The following DCDC2 variants were observed in gnomAD, a reference collection of about 807,000 sequenced individuals.
The protein encoded by DCDC2 is doublecortin domain containing 2.
In DCDC2, 40 loss-of-function variants were observed where a neutral mutation model predicts 50.2. The observed-to-expected ratio is 0.80, with a 90% confidence interval of 0.62 to 1.04. The LOEUF (loss-of-function observed/expected upper bound fraction) is 1.04. Among genes scored for constraint, DCDC2 ranks in the 50% least tolerant of loss-of-function variants. The probability of loss-of-function intolerance (pLI) is 0.00; values close to 1 mark genes in which losing one functional copy is unlikely to be tolerated. For missense variants in DCDC2, 570 were observed against 581.9 expected (o/e 0.98, Z 0.21); for synonymous variants, 234 against 210.6 (o/e 1.11, Z -0.96).
At chr6:24,231,291 C>T (rs1188331437) in intron 7 of DCDC2, among the ~76,000 whole-genome samples, 1 of 152,180 alleles carries the variant, frequency 6.6e-6, no homozygotes, top group Non-Finnish European at 1.5e-5. Context: ...TGCTCACCCC[C>T]ATCACCAAGA....
intron 7 of DCDC2, among the ~76,000 whole-genome samples, chr6:24,253,571 C>CTA (rs1264569634): frequency 6.6e-6 from 1 of 152,164 alleles, no homozygotes; most frequent in Non-Finnish European, 1.5e-5. Flanking sequence ...AGGGTGTGTG[C>CTA]TATAGCCTAT....
chr6:24,205,253 C>G, intron 7 of DCDC2, 151 bp from the exon 8 acceptor site: 1 of 1,571,866 alleles, frequency 6.4e-7, no homozygotes, highest in Non-Finnish European at 8.6e-7. Flanking sequence ...CTCCGACCAC[C>G]ACACCACCCC....
At chr6:24,319,995 G>A (rs747612324) in intron 2 of DCDC2, among the ~76,000 whole-genome samples, 3 of 152,074 alleles carry the variant, frequency 2.0e-5, no homozygotes, top group South Asian at 2.1e-4. Flanking sequence ...ATAAATGGAC[G>A]GTGAAGGAAG....
chr6:24,225,212 GCTT>G (rs1203506695), intron 7 of DCDC2, among the ~76,000 whole-genome samples: 1 of 152,126 alleles, frequency 6.6e-6, no homozygotes, highest in South Asian at 2.1e-4. Flanking sequence ...GACTCTGGGT[GCTT>G]TTTTTAAATT....
chr6:24,311,209 C>T (rs1197273338), intron 2 of DCDC2, among the ~76,000 whole-genome samples: 1 of 152,202 alleles, frequency 6.6e-6, no homozygotes, highest in Non-Finnish European at 1.5e-5. Context: ...TCTCCTATTG[C>T]CACATTTACC....
At chr6:24,227,757 C>T (rs1367559105) in intron 7 of DCDC2, among the ~76,000 whole-genome samples, 19 of 152,206 alleles carry the variant, frequency 1.2e-4, no homozygotes, top group Non-Finnish European at 2.4e-4. Context: ...ACCGTCTGCC[C>T]GTTTATCAGC....
At chr6:24,208,362 A>AAT (rs1761771080) in intron 7 of DCDC2, among the ~76,000 whole-genome samples, 1 of 121,490 alleles carries the variant, frequency 8.2e-6, no homozygotes, top group African/African-American at 3.5e-5. Flanking sequence ...CCTCTGTGCT[A>AAT]CTTTTTTTTT....
rs1341811704 is a variant in DCDC2, at chr6:24,277,902, G to A, written c.922+147C>T. On this transcript the variant is annotated intron_variant, in intron 7 of 9. Transcript: ENST00000378454. Reference sequence around the variant, plus strand: ...CAAATAAAAACCAAGCATAAAAACAGCAGCATCTCTCATATACAAATACAA... The same window carrying A: ...CAAATAAAAACCAAGCATAAAAACAACAGCATCTCTCATATACAAATACAA... 6.8e-6 allele frequency: 4 copies of A among 586,216 alleles called. No individual in the cohort carries two copies. In the East Asian group the frequency reaches 9.1e-5, roughly 13 times the overall value. The allele number at this position is 586,216 out of a possible 1,614,324, so 36.3% of individuals were successfully genotyped here.
rs1761738736 is a variant in DCDC2 at position 24,207,273 on chromosome 6, T to TCTCTCTCTCA, written c.923-2172_923-2171insTGAGAGAGAG. Among the ~76,000 whole-genome samples the TCTCTCTCTCA allele has an allele frequency of 2.7e-5, 4 of 150,874 alleles. No individual in the cohort carries two copies. In the South Asian group the frequency reaches 8.4e-4, roughly 32 times the overall value. On this transcript the variant is annotated intron_variant, in intron 7 of 9. Coordinates refer to ENST00000378454, the MANE Select transcript of DCDC2 (RefSeq NM_016356.5). ...ATCTATCTTTCTCTCTCTCTCTCTC[T>TCTCTCTCTCA]CTCTCTCTCTCTCTCAGACACACAC...
At chr6:24,205,163 C>G in intron 7 of DCDC2, 61 bp from the exon 8 acceptor site, 1 of 1,614,124 alleles carries the variant, frequency 6.2e-7, no homozygotes, top group Non-Finnish European at 8.5e-7. Context: ...TGGCTGAATG[C>G]TGGAATTACA....
At chr6:24,359,470 A>AGT (rs1479688036), upstream of DCDC2, among the ~76,000 whole-genome samples, 1 of 12,674 alleles carries the variant, frequency 7.9e-5, no homozygotes, top group African/African-American at 2.1e-4. Flanking sequence ...TATACTATAT[A>AGT]ATATATATTT....
intron 8 of DCDC2, among the ~76,000 whole-genome samples, chr6:24,186,871 A>G (rs1338483146): frequency 6.6e-6 from 1 of 152,150 alleles, no homozygotes; most frequent in East Asian, 1.9e-4. Flanking sequence ...ATTTGGAGGC[A>G]ATTTAAGTTA....
At chr6:24,234,030 T>C (rs2113785484) in intron 7 of DCDC2, among the ~76,000 whole-genome samples, 1 of 152,212 alleles carries the variant, frequency 6.6e-6, no homozygotes, top group African/African-American at 2.4e-5. Context: ...GCACATAAAA[T>C]GCAGATAGAT....
intron 2 of DCDC2, among the ~76,000 whole-genome samples, chr6:24,346,409 A>G (rs929877747): frequency 1.3e-5 from 2 of 152,162 alleles, no homozygotes; most frequent in Non-Finnish European, 2.9e-5. Context: ...AGCTGTCAAC[A>G]CTTCTACGTG....
intron 4 of DCDC2, among the ~76,000 whole-genome samples, chr6:24,295,478 A>C (rs184834995): frequency 6.6e-6 from 1 of 152,182 alleles, no homozygotes; most frequent in African/African-American, 2.4e-5. Context: ...GGCAGTCATC[A>C]GGCAAGACAA....
intron 8 of DCDC2, among the ~76,000 whole-genome samples, chr6:24,184,603 A>T (rs570848675): frequency 1.3e-5 from 2 of 151,976 alleles, no homozygotes; most frequent in African/African-American, 4.8e-5. Context: ...AGAATTACTG[A>T]CCTGAAAACA....
chr6:24,366,030 C>T, the DCDC2 span, among the ~76,000 whole-genome samples: 6 of 152,042 alleles, frequency 3.9e-5, no homozygotes, highest in Non-Finnish European at 7.4e-5. Flanking sequence ...GTTGGCCAGG[C>T]TGGTCTCAAA....
At chr6:24,289,365 C>T (rs2296538) in intron 5 of DCDC2, among the ~76,000 whole-genome samples, 14,262 of 152,160 alleles carry the variant, frequency 0.094, 850 homozygotes, top group East Asian at 0.17. Flanking sequence ...TTAAACAAGT[C>T]GTCCTCACCA....
intron 8 of DCDC2, among the ~76,000 whole-genome samples, chr6:24,196,931 T>A (rs996629621): frequency 6.6e-6 from 1 of 152,186 alleles, no homozygotes; most frequent in African/African-American, 2.4e-5. Flanking sequence ...TAGTTTTCCA[T>A]ATTTATAATA....
Sources: allele counts gnomAD v4.1 joint callset (sites outside exome capture counted in the v4.1 genomes callset), GRCh38; gene constraint gnomAD v4.1.1; transcripts MANE v1.5; gene names NCBI Gene and HGNC (gene_info 2026-07-23, HGNC 2026-07-21).